CALML4: variants seen among roughly 807,000 people sequenced by gnomAD.
The protein encoded by CALML4 is calmodulin like 4.
Under a neutral mutation model 17.9 loss-of-function variants are expected in CALML4, and 16 were observed. The observed-to-expected ratio is 0.89, with a 90% confidence interval of 0.61 to 1.36. The LOEUF is 1.36. CALML4 is among the 40% of genes most tolerant of loss of function. The pLI is 0.00. For synonymous variants in CALML4, 86 were observed against 71.5 expected, an observed-to-expected ratio of 1.20 and a Z score of -1.02; for missense variants, 203 against 194.8, an observed-to-expected ratio of 1.04 and a Z score of -0.25.
rs1304149240 is a variant in CALML4, at chr15:68,197,670, AG to A, written c.176-43del. On this transcript the variant is annotated intron_variant, in intron 3 of 4. Transcript: ENST00000467889. This position sits in a 1 kb window ranked among gnomAD's most constrained non-coding sequence, Gnocchi z 4.1. ...CACAGCAGAGTGAGCAGAGGGAAAA[AG>A]ACTCCTAGGAAGCCAGCTGGCCTCC... 6.3e-7 allele frequency: 1 copy of A among 1,590,688 alleles called. No individual in the cohort carries two copies. Among genetic ancestry groups the A allele is most frequent in the South Asian group, 1.1e-5 (1 of 88,492 alleles).
Position 68,197,381 on chromosome 15 carries a change from C to T in CALML4, c.364+59G>A, listed in dbSNP as rs1172527822. On this transcript the variant is annotated intron_variant, in intron 4 of 4. Coordinates refer to ENST00000467889, the MANE Select transcript of CALML4 (RefSeq NM_033429.3). This position sits in a 1 kb window ranked among gnomAD's most constrained non-coding sequence, Gnocchi z 4.1. ...TGGTGGCATCAGCTAGGCTTTGGTG[C>T]CCTCCTTCCAACTCCCTAACCCCCT... 23 of 1,542,638 alleles carry T rather than the reference C, an allele frequency of 1.5e-5. No individual in the cohort carries two copies. The highest frequency in any genetic ancestry group is 1.9e-5 in the Non-Finnish European group (22 of 1,134,772).
intron 4 of CALML4, among the ~76,000 whole-genome samples, chr15:68,195,824 GATGT>G (rs1051070977): frequency 1.3e-5 from 2 of 152,168 alleles, no homozygotes; most frequent in African/African-American, 2.4e-5. Flanking sequence ...GGTTATTAGA[GATGT>G]ATGTGAGTCT....
At chr15:68,205,530 G>T, upstream of CALML4, 1 of 875,934 alleles carries the variant, frequency 1.1e-6, no homozygotes, top group Non-Finnish European at 1.7e-6. This position sits in a 1 kb window ranked among gnomAD's most constrained non-coding sequence, Gnocchi z 4.8. Flanking sequence ...GAAGCAAAGG[G>T]ACAAATGCCA....
intron 4 of CALML4, among the ~76,000 whole-genome samples, chr15:68,194,403 A>T (rs11071985): frequency 0.085 from 11,962 of 139,982 alleles, 734 homozygotes; most frequent in East Asian, 0.34. Context: ...TTTTTTTTTT[A>T]AAACAGTTTC....
intron 4 of CALML4, among the ~76,000 whole-genome samples, chr15:68,196,069 G>C (rs926305979): frequency 6.6e-6 from 1 of 152,302 alleles, no homozygotes; most frequent in South Asian, 2.1e-4. Context: ...TATTTATGGA[G>C]ATAAAGTCTC....
In CALML4 at chr15:68,204,494, TCAGG is replaced by T. The variant is rs2093175638; in HGVS notation, c.34+623_34+626del. The stretch of plus-strand genomic sequence containing the variant: ...GCTGCAGCCATGAGGCTCCCCTGGC[TCAGG>T]TCTGGGCCCCCAAGTTCTTTGTAAC... On this transcript the variant is annotated intron_variant, in intron 2 of 4. Transcript: ENST00000467889. This position sits in a 1 kb window ranked among gnomAD's most constrained non-coding sequence, Gnocchi z 6.0. Among the ~76,000 whole-genome samples the T allele has an allele frequency of 6.6e-6, 1 of 152,146 alleles. No individual in the cohort carries two copies. The highest frequency in any genetic ancestry group is 6.5e-5 in the Admixed American group (1 of 15,274).
At chr15:68,194,138 C>T in intron 4 of CALML4, 26 bp from the exon 5 acceptor site, 2 of 1,589,380 alleles carry the variant, frequency 1.3e-6, no homozygotes, top group Non-Finnish European at 1.7e-6. Context: ...TTTAATTTTT[C>T]AGTTTGGCTT....
Position 68,205,225 on chromosome 15 carries a change from A to T in CALML4, c.3+20T>A. On this transcript the variant is annotated intron_variant, in intron 1 of 4. Coordinates refer to ENST00000467889, the MANE Select transcript of CALML4 (RefSeq NM_033429.3). The surrounding 1 kb of genome is among the most constrained non-coding windows in gnomAD (Gnocchi z 4.8). ...CACGCCCCCAGCCCTGGCCAGGCCGACACAGACCCTCACACTCACCATTCT... is the reference window on the plus strand; with the variant it reads ...CACGCCCCCAGCCCTGGCCAGGCCGTCACAGACCCTCACACTCACCATTCT... The T allele has an allele frequency of 1.9e-6, 3 of 1,614,072 alleles. No homozygotes were observed. The highest frequency in any genetic ancestry group is 2.5e-6 in the Non-Finnish European group (3 of 1,179,988).
chr15:68,194,503 G>A (rs1379808700), intron 4 of CALML4, among the ~76,000 whole-genome samples: 1 of 151,704 alleles, frequency 6.6e-6, no homozygotes, highest in Admixed American at 6.6e-5. Context: ...CCTGCCTCAG[G>A]CTCCTGAGTA....
intron 4 of CALML4, among the ~76,000 whole-genome samples, chr15:68,196,514 C>T (rs1037289587): frequency 1.3e-5 from 2 of 152,176 alleles, no homozygotes; most frequent in African/African-American, 4.8e-5. Flanking sequence ...CACTTGTGGC[C>T]AAGCCCAGCT....
In CALML4 at chr15:68,200,875, A is replaced by G. The variant is rs2093163453; in HGVS notation, c.35-1194T>C. Among the ~76,000 whole-genome samples the G allele has an allele frequency of 6.6e-6, 1 of 152,016 alleles. No homozygotes were observed. On this transcript the variant is annotated intron_variant, in intron 2 of 4. Transcript: ENST00000467889. The surrounding 1 kb of genome is among the most constrained non-coding windows in gnomAD (Gnocchi z 4.3). ...CCACAACCCTGTGATGCGCCCCCTC[A>G]TATTCCCATGTGCGGACAGGACATT...
chr15:68,195,607 A>C (rs1377879463), intron 4 of CALML4, among the ~76,000 whole-genome samples: 1 of 152,172 alleles, frequency 6.6e-6, no homozygotes, highest in Non-Finnish European at 1.5e-5. Context: ...CCAAAGTGCT[A>C]AAGTCAGCCC....
rs2141128201 is a variant in CALML4 at position 68,200,359 on chromosome 15, T to C, written c.35-678A>G. 6.6e-6 allele frequency among the ~76,000 whole-genome samples: 1 copy of C among 152,288 alleles called. No homozygotes were observed. The highest frequency in any genetic ancestry group is 2.1e-4 in the South Asian group (1 of 4,832). ...CCTTGGACTCGGGCCCTGGTCCTGTTCTTAGAGACTTCAAAGGGTCCTGCT... is the reference window on the plus strand; with the variant it reads ...CCTTGGACTCGGGCCCTGGTCCTGTCCTTAGAGACTTCAAAGGGTCCTGCT... On this transcript the variant is annotated intron_variant, in intron 2 of 4. Transcript: ENST00000467889. This position sits in a 1 kb window ranked among gnomAD's most constrained non-coding sequence, Gnocchi z 4.3.
At chr15:68,195,296 C>T (rs1296925505) in intron 4 of CALML4, among the ~76,000 whole-genome samples, 1 of 152,244 alleles carries the variant, frequency 6.6e-6, no homozygotes, top group Admixed American at 6.5e-5. Flanking sequence ...CTGTGATTCT[C>T]TGCTTAACTA....
In CALML4 at chr15:68,197,223, T is replaced by C; in HGVS notation, c.364+217A>G. Among the ~76,000 whole-genome samples the C allele has an allele frequency of 6.6e-6, 1 of 152,228 alleles. No individual in the cohort carries two copies. The highest frequency in any genetic ancestry group is 2.4e-5 in the African/African-American group (1 of 41,550). On this transcript the variant is annotated intron_variant, in intron 4 of 4. Coordinates refer to ENST00000467889, the MANE Select transcript of CALML4 (RefSeq NM_033429.3). This position sits in a 1 kb window ranked among gnomAD's most constrained non-coding sequence, Gnocchi z 4.1. The stretch of plus-strand genomic sequence containing the variant: ...GCTGGGTTTCCCCTAGGCTGTCCCT[T>C]CACCCTGGCAGACCTCCCTGCGCCC...
At chr15:68,205,504 T>C (rs939812814), upstream of CALML4, 8 of 1,183,566 alleles carry the variant, frequency 6.8e-6, no homozygotes, top group African/African-American at 1.1e-4. The surrounding 1 kb of genome is among the most constrained non-coding windows in gnomAD (Gnocchi z 4.8). Context: ...GCTCAGAGTC[T>C]CTGCCTCCAG....
chr15:68,200,692 C>A lies in CALML4; in HGVS notation c.35-1011G>T, dbSNP rs1259875634. On this transcript the variant is annotated intron_variant, in intron 2 of 4. Transcript: ENST00000467889. The surrounding 1 kb of genome is among the most constrained non-coding windows in gnomAD (Gnocchi z 4.3). Reference sequence around the variant, plus strand: ...GAAACACAGTGGCCTGGCGCTGGCCCTCCCAGGCTGGGGCTCAGGGCTCTG... The same window carrying A: ...GAAACACAGTGGCCTGGCGCTGGCCATCCCAGGCTGGGGCTCAGGGCTCTG... Among the ~76,000 whole-genome samples, 1 of 152,190 alleles carries A rather than the reference C, an allele frequency of 6.6e-6. No individual in the cohort carries two copies.
intron 4 of CALML4, among the ~76,000 whole-genome samples, chr15:68,196,558 T>C (rs1026132405): frequency 6.6e-6 from 1 of 152,204 alleles, no homozygotes; most frequent in African/African-American, 2.4e-5. Context: ...CAGGGCAGCC[T>C]ACCTAGAAAC....
chr15:68,202,807 C>CTTTTTTTTTTT (rs35057668), intron 2 of CALML4, among the ~76,000 whole-genome samples: 2 of 95,032 alleles, frequency 2.1e-5, no homozygotes, highest in African/African-American at 1.0e-4. Flanking sequence ...CCATGACCGG[C>CTTTTTTTTTTT]TTTTTTTTTT....
Sources: allele counts gnomAD v4.1 joint callset (sites outside exome capture counted in the v4.1 genomes callset), GRCh38; gene constraint gnomAD v4.1.1; non-coding constraint Gnocchi (gnomAD v3.1); transcripts MANE v1.5; gene names NCBI Gene and HGNC (gene_info 2026-07-23, HGNC 2026-07-21).